AFAP1: variants seen among roughly 807,000 people sequenced by gnomAD.
AFAP1 encodes actin filament associated protein 1.
AFAP1 carries 75 observed loss-of-function variants against 93.9 expected under a neutral mutation model. That is an observed-to-expected ratio of 0.80 (90% CI 0.66 to 0.97). The LOEUF is 0.97. Among genes scored for constraint, AFAP1 ranks in the 50% least tolerant of loss-of-function variants. AFAP1 has a pLI of 0.00. For synonymous variants in AFAP1, 517 were observed against 430.7 expected, an observed-to-expected ratio of 1.20 and a Z score of -2.48; for missense variants, 1,201 against 1,050.8, an observed-to-expected ratio of 1.14 and a Z score of -1.98.
At chr4:7,865,671 C>A (rs776291679) in intron 3 of AFAP1, among the ~76,000 whole-genome samples, 1 of 152,184 alleles carries the variant, frequency 6.6e-6, no homozygotes, top group African/African-American at 2.4e-5. Flanking sequence ...ATCAATCATT[C>A]GATGGTTGAA....
chr4:7,781,589 T>A lies in AFAP1; in HGVS notation c.1569A>T (p.Arg523Ser). 1 of 1,551,818 alleles carries A rather than the reference T, an allele frequency of 6.4e-7. No individual in the cohort carries two copies. Among genetic ancestry groups the A allele is most frequent in the Non-Finnish European group, 8.7e-7 (1 of 1,147,026 alleles). The stretch of plus-strand genomic sequence containing the variant: ...CATAAAGCACCTCTTCTCCCAAGCC[T>A]CTGCTGCAGGAAGCAGGAAAGCCGT... ...PEDGFPASCS[R>S]GLGEEVLYDN... The change falls in exon 13 of 18, where the codon AGA (arginine) becomes AGT (serine). Residue 523 changes from arginine to serine, a missense_variant. Transcript: ENST00000420658.
At chr4:7,833,384 C>T (rs1298525836) in intron 6 of AFAP1, among the ~76,000 whole-genome samples, 1 of 152,058 alleles carries the variant, frequency 6.6e-6, no homozygotes, top group Non-Finnish European at 1.5e-5. Context: ...AAATGGCCAA[C>T]AAACATACAA....
At chr4:7,873,720 C>G (rs1717273263) in intron 1 of AFAP1, among the ~76,000 whole-genome samples, 1 of 152,068 alleles carries the variant, frequency 6.6e-6, no homozygotes, top group African/African-American at 2.4e-5. Flanking sequence ...CACGAAATAC[C>G]ACAGTCGTCT....
At chr4:7,851,348 C>T (rs896425822) in intron 4 of AFAP1, among the ~76,000 whole-genome samples, 1 of 152,176 alleles carries the variant, frequency 6.6e-6, no homozygotes, top group Non-Finnish European at 1.5e-5. Flanking sequence ...AAGATGTGAG[C>T]GAGCAAGCAG....
intron 6 of AFAP1, among the ~76,000 whole-genome samples, chr4:7,828,195 T>A (rs1366083928): frequency 1.3e-5 from 2 of 152,286 alleles, no homozygotes; most frequent in East Asian, 3.9e-4. Flanking sequence ...CCACTCTGTG[T>A]TCACCTAGGG....
intron 17 of AFAP1, among the ~76,000 whole-genome samples, chr4:7,765,469 T>C (rs1445616602): frequency 1.3e-5 from 2 of 152,362 alleles, no homozygotes; most frequent in South Asian, 2.1e-4. Context: ...CCCTCCCTAC[T>C]GGACAGCGCC....
chr4:7,869,150 G>A (rs928721392), intron 2 of AFAP1, among the ~76,000 whole-genome samples: 2 of 150,490 alleles, frequency 1.3e-5, no homozygotes, highest in Non-Finnish European at 1.5e-5. Flanking sequence ...AAAGAGAAAG[G>A]GAAAGGGAAA....
At chr4:7,878,644 C>T (rs371170844) in intron 1 of AFAP1, among the ~76,000 whole-genome samples, 16 of 152,300 alleles carry the variant, frequency 1.1e-4, no homozygotes, top group Middle Eastern at 3.4e-3. Context: ...CTCCAGCTAC[C>T]GTTAAGTACT....
intron 6 of AFAP1, among the ~76,000 whole-genome samples, chr4:7,829,864 T>C (rs2149090944): frequency 6.6e-6 from 1 of 152,346 alleles, no homozygotes; most frequent in Non-Finnish European, 1.5e-5. Flanking sequence ...GATTACTCTT[T>C]CTGAGAATTT....
intron 16 of AFAP1, among the ~76,000 whole-genome samples, chr4:7,769,776 G>A (rs142096132): frequency 7.6e-4 from 116 of 152,330 alleles, no homozygotes; most frequent in African/African-American, 2.6e-3. Flanking sequence ...ATGGAATATT[G>A]TTTTAGAACA....
chr4:7,930,253 T>C (rs972932844), intron 1 of AFAP1, among the ~76,000 whole-genome samples: 3 of 152,192 alleles, frequency 2.0e-5, no homozygotes, highest in Non-Finnish European at 2.9e-5. Context: ...CCCATGCCCC[T>C]GGGAGTGCCA....
intron 16 of AFAP1, chr4:7,772,065 G>C (rs898803259): frequency 2.0e-5 from 3 of 152,256 alleles, no homozygotes; most frequent in Non-Finnish European, 2.9e-5. Flanking sequence ...TTTACTGAGG[G>C]GTTTGGAAAG....
chr4:7,768,301 T>C (rs1183767361), intron 17 of AFAP1, among the ~76,000 whole-genome samples: 1 of 152,224 alleles, frequency 6.6e-6, no homozygotes, highest in Non-Finnish European at 1.5e-5. Flanking sequence ...GTTTCAAAGG[T>C]TAGCATCAAA....
chr4:7,788,039 C>T (rs999599345), intron 11 of AFAP1, among the ~76,000 whole-genome samples: 8 of 152,212 alleles, frequency 5.3e-5, no homozygotes, highest in South Asian at 4.1e-4. Context: ...CCTGCATCTG[C>T]GTCCTGCCTG....
intron 1 of AFAP1, among the ~76,000 whole-genome samples, chr4:7,909,885 C>A (rs114799548): frequency 2.6e-5 from 4 of 152,248 alleles, no homozygotes; most frequent in African/African-American, 9.6e-5. Context: ...CTGTCCAAGA[C>A]GCTCTCACAC....
At chr4:7,802,096 T>G (rs1364351460) in intron 9 of AFAP1, among the ~76,000 whole-genome samples, 1 of 149,642 alleles carries the variant, frequency 6.7e-6, no homozygotes, top group Non-Finnish European at 1.5e-5. Flanking sequence ...GCTTTATTAC[T>G]TATAACTATT....
At chr4:7,776,156 C>A (rs898930136) in intron 14 of AFAP1, 1 of 152,204 alleles carries the variant, frequency 6.6e-6, no homozygotes, top group Non-Finnish European at 1.5e-5. Context: ...ACTCCCAGGC[C>A]TTCCTGACTG....
chr4:7,838,409 G>A (rs1712569694), intron 6 of AFAP1, 115 bp downstream of exon 6: 3 of 1,225,638 alleles, frequency 2.4e-6, no homozygotes, highest in Admixed American at 3.0e-5. Context: ...AAAACTCTTT[G>A]GGTGAATCCA....
At chr4:7,844,684 G>A (rs1336722798) in intron 4 of AFAP1, among the ~76,000 whole-genome samples, 2 of 152,226 alleles carry the variant, frequency 1.3e-5, no homozygotes, top group East Asian at 3.9e-4. Context: ...CGCGTTAAAT[G>A]TCTTTAAATT....
Sources: gnomAD v4.1 joint callset for allele counts (sites outside exome capture counted in the v4.1 genomes callset) on GRCh38, gnomAD v4.1.1 for gene constraint, MANE v1.5 for transcripts, NCBI Gene and HGNC (gene_info 2026-07-23, HGNC 2026-07-21) for gene names.